Variants in BANP observed in about 807,000 individuals in gnomAD.
BANP encodes protein BANP.
Under a neutral mutation model 68.1 loss-of-function variants are expected in BANP, and 11 were observed. The ratio of observed to expected loss-of-function variants is 0.16; its 90% CI spans 0.10 to 0.27. The LOEUF is 0.27. BANP is among the 10% of genes least tolerant of loss of function. The pLI, the probability that BANP is intolerant of heterozygous loss-of-function variation, is 1.00. For synonymous variants in BANP, 329 were observed against 303.2 expected (o/e 1.09, Z -0.88); for missense variants, 504 against 722.7 (o/e 0.70, Z 3.47).
At chr16:87,984,032 C>G in intron 3 of BANP, 28 bp from the exon 4 acceptor site, 1 of 1,611,958 alleles carries the variant, frequency 6.2e-7, no homozygotes, top group South Asian at 1.1e-5. Flanking sequence ...GGAGACCCTT[C>G]CTAAAGCCGG....
At chr16:88,008,868 T>G (rs562764538) in intron 6 of BANP, among the ~76,000 whole-genome samples, 1 of 152,368 alleles carries the variant, frequency 6.6e-6, no homozygotes, top group Non-Finnish European at 1.5e-5. Flanking sequence ...GGAGAGGTCA[T>G]CATCCAGAGC....
At position 88,002,531 on chromosome 16, in the gene BANP, G is replaced by A. The variant is rs1008381526; in HGVS notation, c.363-1764G>A. Among the ~76,000 whole-genome samples, 2 of 152,098 alleles carry A rather than the reference G, an allele frequency of 1.3e-5. No individual in the cohort carries two copies. Among genetic ancestry groups the A allele is most frequent in the Non-Finnish European group, 2.9e-5 (2 of 68,014 alleles). ...AGGGAACACACACATTGAGATACTC[G>A]CTCAAGGAGAGTCATCTTTAGGCAA... On this transcript the variant is annotated intron_variant, in intron 4 of 13. Coordinates refer to ENST00000682872, the MANE Select transcript of BANP (RefSeq NM_001386991.1). The surrounding 1 kb of genome is among the most constrained non-coding windows in gnomAD (Gnocchi z 4.6).
chr16:87,992,009 C>G (rs1481166010), intron 4 of BANP, among the ~76,000 whole-genome samples: 1 of 152,210 alleles, frequency 6.6e-6, no homozygotes, highest in Non-Finnish European at 1.5e-5. Flanking sequence ...CCCAGATGCT[C>G]TTAATCAGAT....
chr16:88,061,594 C>A (rs1015212336), intron 11 of BANP, among the ~76,000 whole-genome samples: 6 of 152,056 alleles, frequency 3.9e-5, no homozygotes, highest in Admixed American at 3.9e-4. Context: ...CTTGTAGGAA[C>A]GTAGGAGAAA....
At chr16:88,010,610 AG>A (rs2152586510) in intron 6 of BANP, among the ~76,000 whole-genome samples, 1 of 152,374 alleles carries the variant, frequency 6.6e-6, no homozygotes, top group South Asian at 2.1e-4. Context: ...AAGAACATGT[AG>A]CCACACTGCT....
intron 6 of BANP, among the ~76,000 whole-genome samples, chr16:88,015,651 C>A: frequency 6.6e-6 from 1 of 152,274 alleles, no homozygotes; most frequent in East Asian, 1.9e-4. Context: ...GCCTGTCTCC[C>A]TGTTCGCTTG....
intron 11 of BANP, among the ~76,000 whole-genome samples, chr16:88,039,350 C>T (rs1195372508): frequency 4.9e-5 from 7 of 143,392 alleles, no homozygotes; most frequent in African/African-American, 1.2e-4. Flanking sequence ...GTCAGTTCTC[C>T]GCGCCTTTGT....
chr16:88,069,400 T>C (rs2089704780), intron 12 of BANP, among the ~76,000 whole-genome samples: 1 of 152,216 alleles, frequency 6.6e-6, no homozygotes. Context: ...ACAGGCTGTA[T>C]CTTCTAAGGA....
intron 11 of BANP, among the ~76,000 whole-genome samples, chr16:88,058,639 G>T (rs540353875): frequency 6.6e-6 from 1 of 152,058 alleles, no homozygotes; most frequent in Admixed American, 6.6e-5. Context: ...CTAAGGAGTC[G>T]CAGCCCCAGA....
chr16:88,051,985 A>G (rs1450981912), intron 11 of BANP, among the ~76,000 whole-genome samples: 1 of 152,156 alleles, frequency 6.6e-6, no homozygotes, highest in Non-Finnish European at 1.5e-5. Context: ...AATACTCCCA[A>G]TCAGTATGTT....
At chr16:88,023,010 C>G (rs532053919) in intron 7 of BANP, among the ~76,000 whole-genome samples, 2 of 152,178 alleles carry the variant, frequency 1.3e-5, no homozygotes, top group Non-Finnish European at 2.9e-5. Context: ...ACACAGGACA[C>G]GGGTGGTCAG....
chr16:88,005,060 A>G (rs1598355736), intron 5 of BANP, among the ~76,000 whole-genome samples: 1 of 152,234 alleles, frequency 6.6e-6, no homozygotes, highest in African/African-American at 2.4e-5. Flanking sequence ...TTTTTCTCTC[A>G]GTCTCCTTTG....
chr16:88,009,514 T>C (rs2072369462), intron 6 of BANP, among the ~76,000 whole-genome samples: 1 of 152,266 alleles, frequency 6.6e-6, no homozygotes, highest in South Asian at 2.1e-4. Context: ...AGATACCATA[T>C]CATTTTATTC....
In BANP at chr16:88,002,633, G is replaced by A. The variant is rs958984611; in HGVS notation, c.363-1662G>A. ...TGCATCCATGAGCCCCCCAGAAGCT[G>A]TGGGGCACCCGAGGGGCACATTATT... On this transcript the variant is annotated intron_variant, in intron 4 of 13. Coordinates refer to ENST00000682872, the MANE Select transcript of BANP (RefSeq NM_001386991.1). The surrounding 1 kb of genome is among the most constrained non-coding windows in gnomAD (Gnocchi z 4.6). 6.6e-6 allele frequency among the ~76,000 whole-genome samples: 1 copy of A among 152,190 alleles called. No individual in the cohort carries two copies. The highest frequency in any genetic ancestry group is 1.5e-5 in the Non-Finnish European group (1 of 68,040).
At chr16:87,953,381 T>G (rs2057374567) in intron 1 of BANP, among the ~76,000 whole-genome samples, 1 of 152,250 alleles carries the variant, frequency 6.6e-6, no homozygotes, top group East Asian at 1.9e-4. Flanking sequence ...TGATCCTTTT[T>G]ATTTTTTTCT....
At chr16:87,950,671 G>C (rs991657825), upstream of BANP, 1 of 152,124 alleles carries the variant, frequency 6.6e-6, no homozygotes, top group Non-Finnish European at 1.5e-5. Flanking sequence ...CTTTACCTCA[G>C]GTGTTCCGCC....
intron 1 of BANP, among the ~76,000 whole-genome samples, chr16:87,969,475 AT>A (rs1012870105): frequency 5.3e-5 from 8 of 150,776 alleles, no homozygotes; most frequent in Non-Finnish European, 1.0e-4. Flanking sequence ...TGCCAATCTG[AT>A]TGGTGAAAAA....
At position 88,004,270 on chromosome 16, in the gene BANP, T is replaced by A. The variant is rs1351675095; in HGVS notation, c.363-25T>A. 17 of 1,384,412 alleles carry A rather than the reference T, an allele frequency of 1.2e-5. No individual in the cohort carries two copies. The highest frequency in any genetic ancestry group is 1.7e-5 in the Non-Finnish European group (17 of 996,346). 85.8% of individuals were successfully genotyped at this position (1,384,412 alleles called of 1,614,324 possible). ...TGTTGTTGTTTTAAGGCCTTCTTTT[T>A]CTTTGTGATTCTTTTGTTCCCTAGC... On this transcript the variant is annotated intron_variant, in intron 4 of 13. Transcript: ENST00000682872. This position sits in a 1 kb window ranked among gnomAD's most constrained non-coding sequence, Gnocchi z 7.0.
At chr16:88,019,234 T>G (rs1206441319) in intron 7 of BANP, among the ~76,000 whole-genome samples, 1 of 152,174 alleles carries the variant, frequency 6.6e-6, no homozygotes, top group Non-Finnish European at 1.5e-5. Flanking sequence ...AGGTGGCGAT[T>G]GCGGTACTGC....
Sources: allele counts gnomAD v4.1 joint callset (sites outside exome capture counted in the v4.1 genomes callset), GRCh38; gene constraint gnomAD v4.1.1; non-coding constraint Gnocchi (gnomAD v3.1); transcripts MANE v1.5; gene names NCBI Gene and HGNC (gene_info 2026-07-23, HGNC 2026-07-21).